Variants in DCDC2 observed in about 807,000 individuals in gnomAD.
DCDC2 encodes doublecortin domain-containing protein 2.
In DCDC2, 40 loss-of-function variants were observed where a neutral mutation model predicts 50.2. The observed-to-expected ratio is 0.80, with a 90% CI of 0.62 to 1.04. DCDC2 has a LOEUF of 1.04. Ranked by LOEUF, DCDC2 falls within the 50% of genes least tolerant of loss-of-function variation. DCDC2 has a pLI of 0.00. For missense variants in DCDC2, 570 were observed against 581.9 expected (o/e 0.98, Z 0.21); for synonymous variants, 234 against 210.6 (o/e 1.11, Z -0.96).
intron 8 of DCDC2, among the ~76,000 whole-genome samples, chr6:24,185,039 C>G (rs1761159545): frequency 6.6e-6 from 1 of 152,206 alleles, no homozygotes. Context: ...CTATTTTCCT[C>G]TTCTGACATC....
chr6:24,198,289 C>A (rs1761491246), intron 8 of DCDC2, among the ~76,000 whole-genome samples: 1 of 152,184 alleles, frequency 6.6e-6, no homozygotes, highest in Non-Finnish European at 1.5e-5. Flanking sequence ...TTCTGCATTC[C>A]CAACTGAGGT....
At chr6:24,239,111 C>T (rs1762512231) in intron 7 of DCDC2, among the ~76,000 whole-genome samples, 1 of 152,170 alleles carries the variant, frequency 6.6e-6, no homozygotes, top group African/African-American at 2.4e-5. Context: ...TATTTTCAAA[C>T]ATGAATAAGG....
chr6:24,301,746 T>C lies in DCDC2; in HGVS notation c.526A>G (p.Lys176Glu). 1 of 1,614,176 alleles carries C rather than the reference T, an allele frequency of 6.2e-7. No homozygotes were observed. The highest frequency in any genetic ancestry group is 1.3e-5 in the African/African-American group (1 of 75,044). Residue 176 changes from lysine to glutamate, a missense_variant, in exon 4 of 10, where the codon AAA becomes GAA. Transcript: ENST00000378454. ...WDHVLQMVTE[K>E]ITLRSGAVHR... is the part of the protein sequence containing the mutation. ...ACAGCCCCGCTCCTCAGAGTGATTT[T>C]TTCTGTGACCATTTGTAGTACATGA...
chr6:24,359,870 G>A (rs376880270), upstream of DCDC2, among the ~76,000 whole-genome samples: 1 of 152,184 alleles, frequency 6.6e-6, no homozygotes, highest in Non-Finnish European at 1.5e-5. Flanking sequence ...GGCGAAGCTC[G>A]GGTGCGCATC....
At chr6:24,368,452 G>A in the DCDC2 span, among the ~76,000 whole-genome samples, 1 of 152,032 alleles carries the variant, frequency 6.6e-6, no homozygotes, top group Admixed American at 6.5e-5. Context: ...AGAAATTAGT[G>A]GGAAAACACG....
chr6:24,226,429 A>G lies in DCDC2; in HGVS notation c.923-21327T>C, dbSNP rs533241675. On this transcript the variant is annotated intron_variant, in intron 7 of 9. Coordinates refer to ENST00000378454, the MANE Select transcript of DCDC2 (RefSeq NM_016356.5). ...CAAGGCTTTCACAAGCTGTGTGGTC[A>G]CTACTATGGCTGGACCATCCCCTAT... Among the ~76,000 whole-genome samples the G allele has an allele frequency of 1.6e-4, 24 of 152,354 alleles. 1 individual carries two copies. In the East Asian group the frequency reaches 4.6e-3, roughly 29 times the overall value.
At chr6:24,235,724 C>T (rs1010725915) in intron 7 of DCDC2, among the ~76,000 whole-genome samples, 1 of 152,136 alleles carries the variant, frequency 6.6e-6, no homozygotes, top group African/African-American at 2.4e-5. Flanking sequence ...GGAAGCATTC[C>T]CCTTGAGAAA....
rs564146218 is a variant in DCDC2, at chr6:24,176,361, T to C, written c.1327-1527A>G. ...AATCACAAACTAGGCACTTCCTTAT[T>C]TGAATTCCCAAGAATTTAGATTCAC... On this transcript the variant is annotated intron_variant, in intron 9 of 9. Transcript: ENST00000378454. Among the ~76,000 whole-genome samples the C allele has an allele frequency of 1.4e-4, 21 of 152,238 alleles. 1 individual carries two copies. Among genetic ancestry groups the C allele is most frequent in the Admixed American group, 9.8e-4 (15 of 15,290 alleles).
rs148029760 is a variant in DCDC2, at chr6:24,357,706, G to C, written c.45C>G (p.Val15=). 1 of 1,612,776 alleles carries C rather than the reference G, an allele frequency of 6.2e-7. No homozygotes were observed. Among genetic ancestry groups the C allele is most frequent in the Non-Finnish European group, 8.5e-7 (1 of 1,179,532 alleles). The stretch of plus-strand genomic sequence containing the variant: ...TGCGGTACACAAGCACGCTCTTCAC[G>C]ACGGGCTGAGACAGGTGGCTGGACC... ...SARSSHLSQP[V]VKSVLVYRNG... is the part of the protein sequence containing the mutation. The change falls in exon 1 of 10, where the codon GTC becomes GTG. Residue 15 remains valine (V), a synonymous_variant. Coordinates refer to ENST00000378454, the MANE Select transcript of DCDC2 (RefSeq NM_016356.5).
At chr6:24,249,088 A>G (rs1762744769) in intron 7 of DCDC2, among the ~76,000 whole-genome samples, 1 of 152,122 alleles carries the variant, frequency 6.6e-6, no homozygotes, top group African/African-American at 2.4e-5. Flanking sequence ...TTCTTATTTA[A>G]TATATTAAAA....
At chr6:24,315,283 G>A (rs571953636) in intron 2 of DCDC2, among the ~76,000 whole-genome samples, 14 of 151,320 alleles carry the variant, frequency 9.3e-5, no homozygotes, top group South Asian at 2.1e-4. Flanking sequence ...GAACCAAGTC[G>A]TCCACACCAG....
chr6:24,364,106 TG>T, the DCDC2 span, among the ~76,000 whole-genome samples: 1 of 152,148 alleles, frequency 6.6e-6, no homozygotes, highest in African/African-American at 2.4e-5. Flanking sequence ...CCTATTTATT[TG>T]GCTCCTTCCA....
At chr6:24,290,201 G>A (rs1402141666) in intron 5 of DCDC2, among the ~76,000 whole-genome samples, 1 of 151,082 alleles carries the variant, frequency 6.6e-6, no homozygotes, top group Non-Finnish European at 1.5e-5. Context: ...CACCGTTTTA[G>A]CCGGGATGGT....
Position 24,178,346 on chromosome 6 carries a change from C to T in DCDC2, c.1310G>A (p.Gly437Asp), listed in dbSNP as rs1407384110. 3.1e-6 allele frequency: 5 copies of T among 1,613,452 alleles called. No individual in the cohort carries two copies. In the African/African-American group the frequency reaches 6.7e-5, roughly 22 times the overall value. ...TAGAAATACCTCATCTTGTCCACTG[C>T]CAGCTCCTTGAGACTTTCTTTCCTT... The part of the protein sequence containing the change: ...LDKERKSQGA[G>D]SGQDEADVDP... Residue 437 changes from glycine (G) to aspartate (D), a missense_variant, in exon 9 of 10, where the codon GGC becomes GAC. Coordinates refer to ENST00000378454, the MANE Select transcript of DCDC2 (RefSeq NM_016356.5).
intron 4 of DCDC2, among the ~76,000 whole-genome samples, chr6:24,300,848 T>C (rs1169370339): frequency 6.6e-6 from 1 of 152,210 alleles, no homozygotes; most frequent in African/African-American, 2.4e-5. Context: ...GATAATTTCA[T>C]AGGCTTCACA....
In DCDC2 at chr6:24,174,843, A is replaced by G. The variant is rs77929453; in HGVS notation, c.1327-9T>C. The G allele has an allele frequency of 1.6e-5, 25 of 1,585,712 alleles. No homozygotes were observed. The highest frequency in any genetic ancestry group is 1.7e-4 in the Middle Eastern group (1 of 6,020). ...TGAGGGTCTACATCAGCCTAGAAGAAAATAGATCAAAACAAAGGTATTCAG... is the reference window on the plus strand; with the variant it reads ...TGAGGGTCTACATCAGCCTAGAAGAGAATAGATCAAAACAAAGGTATTCAG... On this transcript the variant is annotated splice_polypyrimidine_tract_variant and intron_variant, in intron 9 of 9. Coordinates refer to ENST00000378454, the MANE Select transcript of DCDC2 (RefSeq NM_016356.5).
intron 6 of DCDC2, among the ~76,000 whole-genome samples, chr6:24,288,081 A>G (rs930180427): frequency 3.9e-5 from 6 of 152,224 alleles, no homozygotes; most frequent in East Asian, 3.8e-4. Context: ...TTAGGAGACA[A>G]TATCATTGCC....
intron 7 of DCDC2, among the ~76,000 whole-genome samples, chr6:24,209,085 TAATAAG>T (rs1222576975): frequency 2.6e-5 from 4 of 152,170 alleles, no homozygotes; most frequent in African/African-American, 7.2e-5. Flanking sequence ...CCGAATGATA[TAATAAG>T]AATATGTTTC....
rs577636785 is a variant in DCDC2, at chr6:24,217,899, ACT to A, written c.923-12799_923-12798del. ...TACTCAGTTTAGCATATCTGTTCTG[ACT>A]ATGCATAAAGTCTGCAATTCAAGGA... On this transcript the variant is annotated intron_variant, in intron 7 of 9. Coordinates refer to ENST00000378454, the MANE Select transcript of DCDC2 (RefSeq NM_016356.5). Among the ~76,000 whole-genome samples, 597 of 152,334 alleles carry A rather than the reference ACT, an allele frequency of 3.9e-3. 2 individuals are homozygous for A. Among genetic ancestry groups the A allele is most frequent in the African/African-American group, 0.013 (535 of 41,576 alleles).
Sources: gnomAD v4.1 joint callset for allele counts (sites outside exome capture counted in the v4.1 genomes callset) on GRCh38, gnomAD v4.1.1 for gene constraint, MANE v1.5 for transcripts, NCBI Gene and HGNC (gene_info 2026-07-23, HGNC 2026-07-21) for gene names.